Variants in STAG1 observed in about 807,000 individuals in gnomAD.
STAG1 encodes cohesin subunit SA-1.
STAG1 carries 26 observed loss-of-function variants against 170.9 expected under a neutral mutation model. The ratio of observed to expected loss-of-function variants is 0.15; its 90% CI spans 0.11 to 0.21. The LOEUF (loss-of-function observed/expected upper bound fraction) is 0.21, where lower values mean the gene tolerates loss of function less well. Ranked by LOEUF, STAG1 falls within the 10% of genes least tolerant of loss-of-function variation. The probability of loss-of-function intolerance (pLI) is 1.00; values close to 1 mark genes in which losing one functional copy is unlikely to be tolerated. For synonymous variants in STAG1, 514 were observed against 497.7 expected (o/e 1.03, Z -0.44); for missense variants, 964 against 1,509.5 (o/e 0.64, Z 5.99).
intron 6 of STAG1, among the ~76,000 whole-genome samples, chr3:136,534,846 C>A (rs946776384): frequency 6.6e-6 from 1 of 151,980 alleles, no homozygotes; most frequent in Non-Finnish European, 1.5e-5. Context: ...GGAGATTTTT[C>A]AAAAAACTAA....
chr3:136,673,481 T>G (rs915558686), intron 1 of STAG1, among the ~76,000 whole-genome samples: 1 of 152,196 alleles, frequency 6.6e-6, no homozygotes, highest in Non-Finnish European at 1.5e-5. Flanking sequence ...AGGAGCTTCA[T>G]GAAGGTTTAA....
chr3:136,750,525 A>G, intron 1 of STAG1, among the ~76,000 whole-genome samples: 1 of 152,182 alleles, frequency 6.6e-6, no homozygotes, highest in Non-Finnish European at 1.5e-5. Context: ...AAACTTCCAT[A>G]TTTTGCATCT....
chr3:136,347,407 A>AAT (rs1936272240), intron 29 of STAG1, among the ~76,000 whole-genome samples: 1 of 151,210 alleles, frequency 6.6e-6, no homozygotes, highest in South Asian at 2.1e-4. Context: ...AAAAAAAAAA[A>AAT]AAAAAAAAAA....
At chr3:136,464,241 T>A (rs986186678) in intron 13 of STAG1, among the ~76,000 whole-genome samples, 144 of 151,858 alleles carry the variant, frequency 9.5e-4, no homozygotes, top group African/African-American at 3.3e-3. Context: ...CTGACCAACA[T>A]GGAGAAACCC....
chr3:136,640,027 C>T (rs1940731847), intron 1 of STAG1, among the ~76,000 whole-genome samples: 1 of 152,190 alleles, frequency 6.6e-6, no homozygotes, highest in South Asian at 2.1e-4. Flanking sequence ...ACAAAAATCA[C>T]TCACAAAAAC....
intron 4 of STAG1, among the ~76,000 whole-genome samples, chr3:136,585,073 G>T (rs1041229332): frequency 2.0e-5 from 3 of 152,174 alleles, no homozygotes; most frequent in African/African-American, 7.2e-5. Flanking sequence ...AACTGGAACA[G>T]CTATAAATTT....
chr3:136,737,833 G>T (rs1016449398), intron 1 of STAG1, among the ~76,000 whole-genome samples: 7 of 152,136 alleles, frequency 4.6e-5, no homozygotes, highest in African/African-American at 1.2e-4. Context: ...ACTTTGGGAG[G>T]CCGAGGCGGG....
intron 15 of STAG1, among the ~76,000 whole-genome samples, 189 bp from the exon 16 acceptor site, chr3:136,433,848 G>A (rs1466052955): frequency 6.6e-6 from 1 of 151,576 alleles, no homozygotes; most frequent in Non-Finnish European, 1.5e-5. Flanking sequence ...AGTCAAATAG[G>A]AAAGAGATAC....
intron 4 of STAG1, among the ~76,000 whole-genome samples, chr3:136,583,536 C>T (rs1937650184): frequency 6.6e-6 from 1 of 152,142 alleles, no homozygotes; most frequent in Non-Finnish European, 1.5e-5. Flanking sequence ...TGCCTGTAAT[C>T]CTAGCACTCT....
chr3:136,725,184 C>G (rs974813414), intron 1 of STAG1, among the ~76,000 whole-genome samples: 2 of 152,064 alleles, frequency 1.3e-5, no homozygotes, highest in African/African-American at 4.8e-5. Context: ...TCTTAGTGAA[C>G]CTTTACCAAA....
chr3:136,561,148 A>G (rs1936822327), intron 5 of STAG1, among the ~76,000 whole-genome samples: 1 of 152,196 alleles, frequency 6.6e-6, no homozygotes, highest in African/African-American at 2.4e-5. Flanking sequence ...TAGAGATAGC[A>G]GCCTTTGTAA....
intron 21 of STAG1, among the ~76,000 whole-genome samples, chr3:136,410,780 C>G (rs2087603674): frequency 6.6e-6 from 1 of 152,160 alleles, no homozygotes. Context: ...TTGAGACCAG[C>G]CTGGTCAACA....
chr3:136,388,422 G>C (rs889358789), intron 22 of STAG1, among the ~76,000 whole-genome samples: 1 of 152,202 alleles, frequency 6.6e-6, no homozygotes, highest in African/African-American at 2.4e-5. Flanking sequence ...AGGCTGGAGT[G>C]CAGTGGTGCG....
At chr3:136,375,249 G>A (rs1163354638) in intron 23 of STAG1, among the ~76,000 whole-genome samples, 1 of 152,094 alleles carries the variant, frequency 6.6e-6, no homozygotes, top group Non-Finnish European at 1.5e-5. Context: ...ATTATATAGA[G>A]ACTTTGAATA....
chr3:136,437,376 A>T (rs2088489321), intron 15 of STAG1, among the ~76,000 whole-genome samples: 1 of 144,194 alleles, frequency 6.9e-6, no homozygotes, highest in Non-Finnish European at 1.5e-5. Context: ...AAAACTACAT[A>T]ATAAAATTGA....
chr3:136,578,301 G>C (rs1033063548), intron 4 of STAG1, among the ~76,000 whole-genome samples: 2 of 152,164 alleles, frequency 1.3e-5, no homozygotes. Flanking sequence ...GGACACACTG[G>C]TATTCACAAC....
chr3:136,490,093 T>G (rs2090095025), intron 9 of STAG1, among the ~76,000 whole-genome samples: 1 of 152,146 alleles, frequency 6.6e-6, no homozygotes, highest in Admixed American at 6.5e-5. Context: ...CAGGCTGGAG[T>G]GCAGTGGCAC....
chr3:136,527,882 G>T (rs892033175), intron 6 of STAG1, among the ~76,000 whole-genome samples: 1 of 152,160 alleles, frequency 6.6e-6, no homozygotes, highest in Non-Finnish European at 1.5e-5. Context: ...TATCAGCAGC[G>T]GATGCTGCAG....
intron 22 of STAG1, among the ~76,000 whole-genome samples, chr3:136,387,327 A>G (rs575669411): frequency 1.3e-5 from 2 of 152,348 alleles, no homozygotes; most frequent in African/African-American, 4.8e-5. Context: ...GATTTGGCCC[A>G]TGGTCTGAAG....
Sources: allele counts gnomAD v4.1 joint callset (sites outside exome capture counted in the v4.1 genomes callset), GRCh38; gene constraint gnomAD v4.1.1; transcripts MANE v1.5; gene names NCBI Gene and HGNC (gene_info 2026-07-23, HGNC 2026-07-21).